The following STAU2 variants were observed in gnomAD, a reference collection of about 807,000 sequenced individuals.
STAU2 encodes the protein staufen double-stranded RNA binding protein 2.
Under a neutral mutation model 65.9 loss-of-function variants are expected in STAU2, and 20 were observed. The ratio of observed to expected loss-of-function variants is 0.30; its 90% CI spans 0.21 to 0.44. STAU2 has a LOEUF of 0.44. Ranked by LOEUF, STAU2 falls within the 20% of genes least tolerant of loss-of-function variation. The probability of loss-of-function intolerance (pLI) is 1.00; values close to 1 mark genes in which losing one functional copy is unlikely to be tolerated. For missense variants in STAU2, 558 were observed against 683.9 expected (o/e 0.82, Z 2.05); for synonymous variants, 232 against 233.9 (o/e 0.99, Z 0.07).
chr8:73,664,200 C>T (rs749894759), intron 6 of STAU2, among the ~76,000 whole-genome samples: 8 of 152,182 alleles, frequency 5.3e-5, no homozygotes, highest in Middle Eastern at 3.4e-3. Context: ...TAGAGGCACA[C>T]GCCAACAGAG....
chr8:73,461,519 T>C (rs966174425), intron 13 of STAU2, among the ~76,000 whole-genome samples: 1 of 152,024 alleles, frequency 6.6e-6, no homozygotes, highest in Non-Finnish European at 1.5e-5. Flanking sequence ...GAGTCATAAG[T>C]AACATGGCAA....
intron 13 of STAU2, among the ~76,000 whole-genome samples, chr8:73,477,544 C>T (rs1434537560): frequency 6.6e-6 from 1 of 152,188 alleles, no homozygotes; most frequent in Non-Finnish European, 1.5e-5. Context: ...ATGATATGAA[C>T]AGCCTTGTGC....
At chr8:73,635,934 ACACACACACACACACACC>A (rs932327797) in intron 6 of STAU2, among the ~76,000 whole-genome samples, 21 of 112,880 alleles carry the variant, frequency 1.9e-4, no homozygotes, top group East Asian at 1.3e-3. Context: ...ACACACACAC[ACACACACACACACACACC>A]CCTGGAACCA....
intron 13 of STAU2, among the ~76,000 whole-genome samples, chr8:73,448,072 G>C (rs565443051): frequency 6.6e-6 from 1 of 152,186 alleles, no homozygotes; most frequent in African/African-American, 2.4e-5. Context: ...GGACTAACCC[G>C]GGTGCAAAGT....
intron 13 of STAU2, among the ~76,000 whole-genome samples, chr8:73,448,266 G>C (rs1818586067): frequency 3.3e-5 from 5 of 152,000 alleles, no homozygotes; most frequent in Admixed American, 3.3e-4. Context: ...AAGGATATAA[G>C]ATTTTAACGT....
At chr8:73,535,922 G>A (rs181750825) in intron 13 of STAU2, among the ~76,000 whole-genome samples, 1 of 152,016 alleles carries the variant, frequency 6.6e-6, no homozygotes, top group Non-Finnish European at 1.5e-5. Flanking sequence ...TCAAACACAG[G>A]ACCTTACAAA....
intron 13 of STAU2, among the ~76,000 whole-genome samples, chr8:73,423,201 G>GGTAA (rs1301094284): frequency 5.3e-5 from 8 of 152,306 alleles, no homozygotes; most frequent in African/African-American, 1.9e-4. Context: ...GGGGATGGAT[G>GGTAA]GTAAGATGGG....
rs114206342 is a variant in STAU2, at chr8:73,613,464, T to G, written c.891+280A>C. On this transcript the variant is annotated intron_variant, in intron 9 of 14. Coordinates refer to ENST00000524300, the MANE Select transcript of STAU2 (RefSeq NM_001164380.2). ...CTACCTTATACGGTCATGAGGGGGA[T>G]TATAGTAAAGGTGACATGAATGGTA... Among the ~76,000 whole-genome samples, 1,168 of 152,256 alleles carry G rather than the reference T, an allele frequency of 7.7e-3. 19 individuals carry two copies. Among genetic ancestry groups the G allele is most frequent in the African/African-American group, 0.027 (1,118 of 41,546 alleles).
At chr8:73,599,647 T>C (rs1811479232) in intron 10 of STAU2, among the ~76,000 whole-genome samples, 1 of 152,236 alleles carries the variant, frequency 6.6e-6, no homozygotes, top group Admixed American at 6.5e-5. Flanking sequence ...ATCATAATAT[T>C]GGCTGTTTCA....
At chr8:73,709,992 A>T (rs996231099) in intron 3 of STAU2, among the ~76,000 whole-genome samples, 2 of 152,014 alleles carry the variant, frequency 1.3e-5, no homozygotes, top group African/African-American at 4.8e-5. Context: ...CTACCATAGA[A>T]TTTCTTTTAC....
intron 11 of STAU2, among the ~76,000 whole-genome samples, chr8:73,583,169 C>CA (rs1810118162): frequency 6.9e-6 from 1 of 145,612 alleles, no homozygotes; most frequent in Admixed American, 6.9e-5. Context: ...TTTTTTGAGA[C>CA]AGAGTCTCAT....
intron 13 of STAU2, among the ~76,000 whole-genome samples, chr8:73,503,479 G>C (rs1275691240): frequency 2.0e-5 from 3 of 151,598 alleles, no homozygotes; most frequent in African/African-American, 7.3e-5. Context: ...GACCTAAACA[G>C]TGAATTACTA....
intron 13 of STAU2, among the ~76,000 whole-genome samples, chr8:73,542,906 T>G (rs1806642045): frequency 6.6e-6 from 1 of 152,204 alleles, no homozygotes; most frequent in Non-Finnish European, 1.5e-5. Flanking sequence ...ACTTACCATG[T>G]GATCCAGCAA....
chr8:73,535,193 G>A (rs1009146894), intron 13 of STAU2, among the ~76,000 whole-genome samples: 5 of 151,348 alleles, frequency 3.3e-5, no homozygotes, highest in Admixed American at 2.0e-4. Flanking sequence ...TTTTTGAGAC[G>A]GAGTCTCACT....
intron 13 of STAU2, among the ~76,000 whole-genome samples, chr8:73,443,705 G>A (rs1818320933): frequency 6.6e-6 from 1 of 152,086 alleles, no homozygotes; most frequent in African/African-American, 2.4e-5. Context: ...AAAATTAGCT[G>A]GGTGTGGTGG....
At chr8:73,422,789 C>A in intron 13 of STAU2, 87 bp from the exon 14 acceptor site, 2 of 549,710 alleles carry the variant, frequency 3.6e-6, no homozygotes, top group Non-Finnish European at 5.2e-6. Context: ...TAGAAAGACT[C>A]ATTTTCATTA....
intron 5 of STAU2, among the ~76,000 whole-genome samples, chr8:73,687,308 A>ATAATTTATATTTATATTTATAAATG (rs1310574359): frequency 4.2e-5 from 5 of 119,794 alleles, no homozygotes; most frequent in Non-Finnish European, 6.9e-5. Context: ...ATTTATAAAT[A>ATAATTTATATTTATATTTATAAATG]TAATTTATAT....
In STAU2 at chr8:73,422,823, T is replaced by C; in HGVS notation, c.1531-121A>G. 7.8e-6 allele frequency: 5 copies of C among 644,838 alleles called. 1 individual carries two copies. In the South Asian group the frequency reaches 1.6e-4, roughly 20 times the overall value. The allele number at this position is 644,838 out of a possible 1,614,324, so 39.9% of individuals were successfully genotyped here. ...TAGTCTACATAATTTTTTTTTGCAT[T>C]GTTTAACAAAAGTACACTAGAAAGT... On this transcript the variant is annotated intron_variant, in intron 13 of 14. Transcript: ENST00000524300.
At chr8:73,713,552 A>G (rs1201018617) in intron 3 of STAU2, among the ~76,000 whole-genome samples, 1 of 152,176 alleles carries the variant, frequency 6.6e-6, no homozygotes, top group Non-Finnish European at 1.5e-5. Context: ...TTAGATAAGG[A>G]AAGCAAAAAT....
Sources: allele counts gnomAD v4.1 joint callset (sites outside exome capture counted in the v4.1 genomes callset), GRCh38; gene constraint gnomAD v4.1.1; transcripts MANE v1.5; gene names NCBI Gene and HGNC (gene_info 2026-07-23, HGNC 2026-07-21).